LAMB4: variants seen among roughly 807,000 people sequenced by gnomAD.
LAMB4 encodes the protein laminin subunit beta-4.
A neutral mutation model predicts 199.2 loss-of-function variants in LAMB4; 196 were observed. That is an observed-to-expected ratio of 0.98 (90% CI 0.88 to 1.11). The LOEUF (loss-of-function observed/expected upper bound fraction) is 1.11. Ranked by LOEUF, LAMB4 falls within the 50% of genes least tolerant of loss-of-function variation. The pLI is 0.00. For missense variants in LAMB4, 2,080 were observed against 2,171.2 expected (o/e 0.96, Z 0.83); for synonymous variants, 744 against 770.6 (o/e 0.97, Z 0.57).
At position 108,065,748 on chromosome 7, in the gene LAMB4, A is replaced by T; in HGVS notation, c.2836+14T>A. On this transcript the variant is annotated intron_variant, in intron 21 of 33. Coordinates refer to ENST00000388781, the MANE Select transcript of LAMB4 (RefSeq NM_007356.3). ...ATAAAGAGAAAAAATTGCATCAAGCACTATACTGCATACCCGTATAACCTT... is the reference window on the plus strand; with the variant it reads ...ATAAAGAGAAAAAATTGCATCAAGCTCTATACTGCATACCCGTATAACCTT... The T allele has an allele frequency of 6.2e-7, 1 of 1,607,730 alleles. No individual in the cohort carries two copies. Among genetic ancestry groups the T allele is most frequent in the Non-Finnish European group, 8.5e-7 (1 of 1,175,680 alleles).
chr7:108,082,188 G>C (rs1224865955), intron 14 of LAMB4, among the ~76,000 whole-genome samples: 1 of 152,104 alleles, frequency 6.6e-6, no homozygotes, highest in Non-Finnish European at 1.5e-5. Context: ...AAGTTAGCTA[G>C]GCACGGTGGT....
rs574377359 is a variant in LAMB4 at position 108,063,884 on chromosome 7, C to T, written c.2938G>A (p.Asp980Asn). The T allele has an allele frequency of 2.2e-5, 36 of 1,614,140 alleles. 1 individual carries two copies. The East Asian group carries it at 4.7e-4, about 21-fold the overall frequency. The change falls in exon 22 of 34, where the codon GAT (aspartate) becomes AAT (asparagine). Residue 980 changes from aspartate to asparagine, a missense_variant. Asp to Asn is a conservative substitution (Grantham distance 23, BLOSUM62 1). Transcript: ENST00000388781. The part of the protein sequence containing the change: ...CACNNNIDVT[D>N]PESCSRVTGE... ...GTTACCCGGCTGCAGGACTCTGGAT[C>T]GGTTACATCTATGTTGTTGTTGCAG...
chr7:108,108,086 G>T (rs2038089448), intron 5 of LAMB4, among the ~76,000 whole-genome samples: 1 of 152,124 alleles, frequency 6.6e-6, no homozygotes, highest in Non-Finnish European at 1.5e-5. Flanking sequence ...GGCTAGAGGT[G>T]CATGCCACCA....
chr7:108,086,098 A>AT (rs1003321391), intron 14 of LAMB4, among the ~76,000 whole-genome samples: 2 of 152,110 alleles, frequency 1.3e-5, no homozygotes, highest in Non-Finnish European at 2.9e-5. Flanking sequence ...CTGTTGGCTG[A>AT]TGAGAGCCAC....
At chr7:108,042,395 G>C (rs1263695810) in intron 29 of LAMB4, among the ~76,000 whole-genome samples, 2 of 151,412 alleles carry the variant, frequency 1.3e-5, no homozygotes, top group Non-Finnish European at 2.9e-5. Context: ...AAGAGGACAG[G>C]CTCTATGACC....
chr7:108,050,129 G>A (rs146567541), intron 26 of LAMB4, among the ~76,000 whole-genome samples: 8 of 152,246 alleles, frequency 5.3e-5, no homozygotes, highest in South Asian at 2.1e-4. Flanking sequence ...AAAGAGGTGA[G>A]GTTGTGTTCC....
chr7:108,029,252 T>C (rs983954513), intron 32 of LAMB4, 56 bp from the exon 33 acceptor site: 3 of 1,465,532 alleles, frequency 2.0e-6, no homozygotes, highest in Non-Finnish European at 2.8e-6. Context: ...TGTACATATA[T>C]GCATGATGAT....
rs1436512294 is a variant in LAMB4 at position 108,068,141 on chromosome 7, T to C, written c.2321A>G (p.Gln774Arg). Residue 774 changes from glutamine to arginine, a missense_variant, in exon 19 of 34, where the codon CAG becomes CGG. Gln to Arg is a conservative substitution (Grantham distance 43). Coordinates refer to ENST00000388781, the MANE Select transcript of LAMB4 (RefSeq NM_007356.3). ...GCTGCAGCTGGATCCGACTGAGCCC[T>C]GGGGGTGACACTTGCAGGCTGCAAG... ...DGAVACKCHPQGSVGSSCSRL... is the reference protein window; with the variant it reads ...DGAVACKCHPRGSVGSSCSRL... 1 of 1,614,068 alleles carries C rather than the reference T, an allele frequency of 6.2e-7. No individual in the cohort carries two copies. Among genetic ancestry groups the C allele is most frequent in the South Asian group, 1.1e-5 (1 of 91,064 alleles).
At chr7:108,106,271 A>T (rs899041344) in intron 7 of LAMB4, among the ~76,000 whole-genome samples, 1 of 152,088 alleles carries the variant, frequency 6.6e-6, no homozygotes, top group Admixed American at 6.5e-5. Flanking sequence ...TACAAAAATT[A>T]GCTGGGCAGG....
intron 1 of LAMB4, among the ~76,000 whole-genome samples, chr7:108,126,176 A>G (rs1301023137): frequency 3.3e-5 from 5 of 152,234 alleles, no homozygotes; most frequent in East Asian, 3.8e-4. Context: ...ACTTGAGAAG[A>G]TATTTTTAAT....
At chr7:108,102,297 C>T (rs1365422422) in intron 10 of LAMB4, among the ~76,000 whole-genome samples, 1 of 152,110 alleles carries the variant, frequency 6.6e-6, no homozygotes, top group Non-Finnish European at 1.5e-5. Flanking sequence ...ATGAAATACC[C>T]AAGTTGCTGA....
chr7:108,048,314 A>G (rs1408373128), intron 27 of LAMB4, among the ~76,000 whole-genome samples: 2 of 151,770 alleles, frequency 1.3e-5, no homozygotes, highest in Non-Finnish European at 2.9e-5. Flanking sequence ...ACAGGCACCC[A>G]CTACCACGCC....
chr7:108,124,267 T>C (rs1183837143), intron 1 of LAMB4, among the ~76,000 whole-genome samples: 1 of 152,244 alleles, frequency 6.6e-6, no homozygotes, highest in Admixed American at 6.5e-5. Flanking sequence ...TTAGTCTGAA[T>C]GTAGAAACTA....
In LAMB4 at chr7:108,024,198, G is replaced by T; in HGVS notation, c.5147-20C>A. The T allele has an allele frequency of 2.1e-6, 3 of 1,450,260 alleles. No individual in the cohort carries two copies. Among genetic ancestry groups the T allele is most frequent in the Non-Finnish European group, 2.8e-6 (3 of 1,062,054 alleles). 89.8% of individuals were successfully genotyped at this position (1,450,260 alleles called of 1,614,324 possible). On this transcript the variant is annotated intron_variant, in intron 33 of 33. Coordinates refer to ENST00000388781, the MANE Select transcript of LAMB4 (RefSeq NM_007356.3). ...CTAAATCTGAAAGAAGAAAATGAAA[G>T]AAATGATATATTTCCATTTAATGGA...
At chr7:108,080,941 G>A (rs1386525762) in intron 14 of LAMB4, among the ~76,000 whole-genome samples, 1 of 152,052 alleles carries the variant, frequency 6.6e-6, no homozygotes, top group African/African-American at 2.4e-5. Flanking sequence ...GGCCAACATG[G>A]TGAAATCCCG....
chr7:108,050,059 T>C (rs2150524015), intron 26 of LAMB4, among the ~76,000 whole-genome samples: 2 of 152,372 alleles, frequency 1.3e-5, no homozygotes, highest in Middle Eastern at 3.4e-3. Context: ...ATAGCATTTC[T>C]ATTCCAACTA....
chr7:108,110,968 A>G (rs2038202496), intron 4 of LAMB4, among the ~76,000 whole-genome samples: 2 of 186 alleles, frequency 0.011, no homozygotes, highest in South Asian at 0.25. Context: ...ATGGTCTAAA[A>G]TCTCTAAAGG....
At chr7:108,043,699 C>G (rs1402420264) in intron 29 of LAMB4, 53 bp downstream of exon 29, 14 of 1,193,410 alleles carry the variant, frequency 1.2e-5, no homozygotes, top group African/African-American at 1.6e-5. Flanking sequence ...TTTGACTATA[C>G]ATTAAAAAGG....
At position 108,098,594 on chromosome 7, in the gene LAMB4, G is replaced by A; in HGVS notation, c.1181-12C>T. 1 of 1,578,184 alleles carries A rather than the reference G, an allele frequency of 6.3e-7. No individual in the cohort carries two copies. The highest frequency in any genetic ancestry group is 8.6e-7 in the Non-Finnish European group (1 of 1,164,368). Reference sequence around the variant, plus strand: ...GTCACATTCACAAGCTGGGGACACAGACATTCATTGTTTTAGTTAATTGCA... The same window carrying A: ...GTCACATTCACAAGCTGGGGACACAAACATTCATTGTTTTAGTTAATTGCA... On this transcript the variant is annotated splice_polypyrimidine_tract_variant and intron_variant, in intron 10 of 33. Coordinates refer to ENST00000388781, the MANE Select transcript of LAMB4 (RefSeq NM_007356.3).
Sources: gnomAD v4.1 joint callset for allele counts (sites outside exome capture counted in the v4.1 genomes callset) on GRCh38, gnomAD v4.1.1 for gene constraint, MANE v1.5 for transcripts, NCBI Gene and HGNC (gene_info 2026-07-23, HGNC 2026-07-21) for gene names.